ARPC1B: variants seen among roughly 807,000 people sequenced by gnomAD.
The protein encoded by ARPC1B is actin-related protein 2/3 complex subunit 1B.
Under a neutral mutation model 46.0 loss-of-function variants are expected in ARPC1B, and 29 were observed. That is an observed-to-expected ratio of 0.63 (90% CI 0.47 to 0.86). ARPC1B has a LOEUF of 0.86. Ranked by LOEUF, ARPC1B falls within the 40% of genes least tolerant of loss-of-function variation. The pLI, the probability that ARPC1B is intolerant of heterozygous loss-of-function variation, is 0.00. For synonymous variants in ARPC1B, 201 were observed against 213.9 expected (o/e 0.94, Z 0.53); for missense variants, 469 against 529.4 (o/e 0.89, Z 1.12).
At chr7:99,391,752 C>CAAA (rs36070836) in intron 7 of ARPC1B, among the ~76,000 whole-genome samples, 5 of 115,676 alleles carry the variant, frequency 4.3e-5, no homozygotes, top group African/African-American at 1.4e-4. Context: ...AAACCTGTCT[C>CAAA]AAAAAAAAAA....
intron 1 of ARPC1B, among the ~76,000 whole-genome samples, chr7:99,378,619 G>T (rs77118023): frequency 0.049 from 7,481 of 151,240 alleles, 519 homozygotes; most frequent in East Asian, 0.33. Context: ...GGAGGCGGAG[G>T]TTGCAGTGAG....
At chr7:99,389,384 C>CATTT (rs1248192701) in intron 4 of ARPC1B, 1 of 154,298 alleles carries the variant, frequency 6.5e-6, no homozygotes. Flanking sequence ...AGGCCCAAAT[C>CATTT]ATTTATTTAT....
chr7:99,388,331 C>A, intron 4 of ARPC1B, 70 bp downstream of exon 4: 3 of 1,480,368 alleles, frequency 2.0e-6, no homozygotes, highest in South Asian at 1.2e-5. Flanking sequence ...CCCCGGGAAG[C>A]ACCAAATGGG....
At chr7:99,391,760 A>ATT (rs1289227627) in intron 7 of ARPC1B, among the ~76,000 whole-genome samples, 3,226 of 151,578 alleles carry the variant, frequency 0.021, 95 homozygotes, top group African/African-American at 0.073. Context: ...CTCAAAAAAA[A>ATT]AAAAAAAAGA....
At position 99,386,736 on chromosome 7, in the gene ARPC1B, G is replaced by A. The variant is rs1443842051; in HGVS notation, c.116G>A (p.Gly39Asp). Residue 39 changes from glycine (G) to aspartate (D), a missense_variant, in exon 3 of 10, where the codon GGT becomes GAT. Gly to Asp is a moderately conservative substitution (Grantham distance 94, BLOSUM62 -1). Coordinates refer to ENST00000646101, the MANE Select transcript of ARPC1B (RefSeq NM_005720.4). Reference protein sequence around the residue: ...NHEVHIYEKSGAKWTKVHELK... With the variant: ...NHEVHIYEKSDAKWTKVHELK... Reference sequence around the variant, plus strand: ...GAGGTGCATATCTATGAAAAGAGCGGTGCCAAATGGACCAAGGTGCACGAG... The same window carrying A: ...GAGGTGCATATCTATGAAAAGAGCGATGCCAAATGGACCAAGGTGCACGAG... The A allele has an allele frequency of 1.2e-6, 2 of 1,614,000 alleles. No individual in the cohort carries two copies. The highest frequency in any genetic ancestry group is 1.7e-5 in the Admixed American group (1 of 59,990).
intron 2 of ARPC1B, chr7:99,386,264 G>A (rs1584405345): frequency 1.2e-5 from 4 of 347,638 alleles, no homozygotes; most frequent in Admixed American, 4.0e-5. Context: ...AAAAAAAAAA[G>A]AGAGAAAGAA....
intron 1 of ARPC1B, among the ~76,000 whole-genome samples, chr7:99,384,417 CT>C (rs143988739): frequency 0.076 from 11,600 of 152,190 alleles, 652 homozygotes; most frequent in African/African-American, 0.16. Context: ...TGAGACCCCC[CT>C]CTCTACAAAC....
At chr7:99,385,598 C>T in intron 1 of ARPC1B, 104 bp from the exon 2 acceptor site, 1 of 996,024 alleles carries the variant, frequency 1.0e-6, no homozygotes, top group Non-Finnish European at 1.5e-6. Context: ...ACTGAGGGGC[C>T]TCCCTGGTGT....
At chr7:99,385,419 G>A (rs1051237209) in intron 1 of ARPC1B, among the ~76,000 whole-genome samples, 4 of 151,920 alleles carry the variant, frequency 2.6e-5, no homozygotes, top group South Asian at 2.1e-4. Flanking sequence ...CATCTCCCCT[G>A]TAGTACCGTC....
intron 1 of ARPC1B, among the ~76,000 whole-genome samples, chr7:99,379,805 AT>A (rs376760661): frequency 0.055 from 7,731 of 141,826 alleles, 517 homozygotes; most frequent in East Asian, 0.33. Flanking sequence ...TGCCTGGCTA[AT>A]TTTTTTTTTT....
At chr7:99,375,545 G>A (rs1245102610) in intron 1 of ARPC1B, among the ~76,000 whole-genome samples, 2 of 149,906 alleles carry the variant, frequency 1.3e-5, no homozygotes, top group Non-Finnish European at 2.9e-5. Context: ...GGCTGCACCC[G>A]CGGGCAGTGA....
At position 99,394,493 on chromosome 7, in the gene ARPC1B, G is replaced by C. The variant is rs772754252; in HGVS notation, c.*4G>C. ...GAAGGACCTCAAGATCAAATGACCT[G>C]TGAGGAATATGTTGCCTTCATCCTA... On this transcript the variant is annotated 3_prime_UTR_variant, in exon 10 of 10. Coordinates refer to ENST00000646101, the MANE Select transcript of ARPC1B (RefSeq NM_005720.4). 15 of 1,613,980 alleles carry C rather than the reference G, an allele frequency of 9.3e-6. No homozygotes were observed. The Admixed American group carries it at 2.0e-4, about 22-fold the overall frequency.
chr7:99,389,420 CA>C, intron 4 of ARPC1B: 1 of 157,900 alleles, frequency 6.3e-6, no homozygotes, highest in Admixed American at 6.2e-5. Flanking sequence ...AGGGTCTTGT[CA>C]CGTTGTCCAG....
At chr7:99,376,204 G>A (rs750030962) in intron 1 of ARPC1B, among the ~76,000 whole-genome samples, 26 of 152,184 alleles carry the variant, frequency 1.7e-4, no homozygotes, top group African/African-American at 5.3e-4. Flanking sequence ...GCCAGACTCC[G>A]TCTCTAAATA....
intron 5 of ARPC1B, 87 bp downstream of exon 5, chr7:99,390,099 A>G: frequency 8.2e-7 from 1 of 1,225,948 alleles, no homozygotes; most frequent in Non-Finnish European, 1.2e-6. Flanking sequence ...AAAGCTCTAC[A>G]CCCCAGCTTC....
intron 3 of ARPC1B, among the ~76,000 whole-genome samples, chr7:99,387,736 CA>C (rs35192470): frequency 0.076 from 4,640 of 61,276 alleles, 242 homozygotes; most frequent in East Asian, 0.37. Flanking sequence ...GACTCTGTCT[CA>C]AAAAAAAAAA....
chr7:99,392,359 G>C (rs1794595417), intron 7 of ARPC1B, among the ~76,000 whole-genome samples: 1 of 152,210 alleles, frequency 6.6e-6, no homozygotes, highest in African/African-American at 2.4e-5. Context: ...GCCAGGGCCA[G>C]GTCAGGCTTG....
chr7:99,389,894 ACCGTTCCC>A lies in ARPC1B; in HGVS notation c.393-10_393-3del. 15 of 1,612,446 alleles carry A rather than the reference ACCGTTCCC, an allele frequency of 9.3e-6. No homozygotes were observed. The highest frequency in any genetic ancestry group is 1.3e-5 in the Non-Finnish European group (15 of 1,178,690). On this transcript the variant is annotated splice_polypyrimidine_tract_variant and splice_region_variant and intron_variant, in intron 4 of 9. Coordinates refer to ENST00000646101, the MANE Select transcript of ARPC1B (RefSeq NM_005720.4). The stretch of plus-strand genomic sequence containing the variant: ...TCCCTCTCTCCCTGTCTGCCTGACC[ACCGTTCCC>A]AGGTGGGTTTGCAAGCACATCAAGA...
At chr7:99,384,395 T>G (rs1794315754) in intron 1 of ARPC1B, among the ~76,000 whole-genome samples, 1 of 151,768 alleles carries the variant, frequency 6.6e-6, no homozygotes, top group East Asian at 1.9e-4. Context: ...GAGACCAGCC[T>G]GGACAGCATT....
Sources: allele counts gnomAD v4.1 joint callset (sites outside exome capture counted in the v4.1 genomes callset), GRCh38; gene constraint gnomAD v4.1.1; transcripts MANE v1.5; gene names NCBI Gene and HGNC (gene_info 2026-07-23, HGNC 2026-07-21).